The following LRGUK variants were observed in gnomAD, a reference collection of about 807,000 sequenced individuals.
LRGUK encodes leucine rich repeats and guanylate kinase domain containing.
A neutral mutation model predicts 76.0 loss-of-function variants in LRGUK; 65 were observed. The ratio of observed to expected loss-of-function variants is 0.85; its 90% CI spans 0.70 to 1.05. LRGUK has a LOEUF of 1.05. Ranked by LOEUF, LRGUK falls within the 50% of genes least tolerant of loss-of-function variation. The probability of loss-of-function intolerance (pLI) is 0.00; values close to 1 mark genes in which losing one functional copy is unlikely to be tolerated. For synonymous variants in LRGUK, 268 were observed against 265.6 expected (o/e 1.01, Z -0.09); for missense variants, 758 against 732.8 (o/e 1.03, Z -0.40).
chr7:134,209,485 C>T (rs1158941644), exon 16 of LRGUK: 1 of 398,882 alleles, frequency 2.5e-6, no homozygotes, highest in Non-Finnish European at 4.4e-6. Context: ...CAACAGATAC[C>T]AAGCAGCCCC....
downstream of LRGUK, among the ~76,000 whole-genome samples, chr7:134,266,219 A>G (rs930939054): frequency 1.3e-5 from 2 of 152,080 alleles, no homozygotes; most frequent in Non-Finnish European, 2.9e-5. Flanking sequence ...ACTGTCTAAG[A>G]TATAATTAAA....
At chr7:134,231,230 T>C (rs1248310477) in intron 16 of LRGUK, among the ~76,000 whole-genome samples, 1 of 152,046 alleles carries the variant, frequency 6.6e-6, no homozygotes, top group Non-Finnish European at 1.5e-5. Context: ...CCACTGAACA[T>C]AAATCTGAGA....
At chr7:134,268,002 C>T (rs73441390), downstream of LRGUK, among the ~76,000 whole-genome samples, 7,099 of 151,784 alleles carry the variant, frequency 0.047, 435 homozygotes, top group African/African-American at 0.14. Context: ...AAAACAGTGC[C>T]GAAAGGGAAA....
intron 7 of LRGUK, among the ~76,000 whole-genome samples, chr7:134,173,296 A>G (rs1341770391): frequency 3.3e-5 from 5 of 152,170 alleles, no homozygotes; most frequent in African/African-American, 4.8e-5. Context: ...CATGGTGCAT[A>G]TGTTTGTCCT....
At chr7:134,191,793 C>T (rs368369041) in intron 12 of LRGUK, 42 bp downstream of exon 12, 28 of 1,240,704 alleles carry the variant, frequency 2.3e-5, no homozygotes, top group Non-Finnish European at 3.0e-5. Flanking sequence ...AAGAAATACA[C>T]GTTCTCTGGC....
chr7:134,268,371 TAAAAC>T (rs892784738), downstream of LRGUK, among the ~76,000 whole-genome samples: 12 of 151,522 alleles, frequency 7.9e-5, no homozygotes, highest in African/African-American at 2.9e-4. Context: ...GCAATTTAGA[TAAAAC>T]AAACTCTTTT....
intron 6 of LRGUK, among the ~76,000 whole-genome samples, chr7:134,159,589 G>C (rs1798635039): frequency 6.6e-6 from 1 of 152,132 alleles, no homozygotes; most frequent in Admixed American, 6.5e-5. Context: ...AGGAGTTCAA[G>C]ACCAGCCTGG....
chr7:134,269,800 C>T, the LRGUK span, among the ~76,000 whole-genome samples: 4 of 152,114 alleles, frequency 2.6e-5, no homozygotes, highest in South Asian at 4.2e-4. Flanking sequence ...AAGGCTGGTG[C>T]GACAGTTGAA....
chr7:134,233,904 G>A (rs1183432058), intron 16 of LRGUK, among the ~76,000 whole-genome samples: 14 of 152,148 alleles, frequency 9.2e-5, no homozygotes, highest in South Asian at 2.1e-4. Context: ...CCGGCCACAT[G>A]TGGTTGAGGA....
intron 7 of LRGUK, among the ~76,000 whole-genome samples, chr7:134,166,986 C>A (rs1222013727): frequency 6.6e-6 from 1 of 152,164 alleles, no homozygotes; most frequent in Non-Finnish European, 1.5e-5. Context: ...TTAGATTAGG[C>A]CTGTAATGAG....
chr7:134,210,353 A>C (rs1801201240), downstream of LRGUK: 2 of 398,266 alleles, frequency 5.0e-6, no homozygotes, highest in Non-Finnish European at 8.8e-6. Context: ...ACGCCGAGCC[A>C]TCACCTAAGA....
At chr7:134,226,218 ATGTGTGTGTGTGTGTGTGTGTGTG>A (rs57035440) in intron 16 of LRGUK, among the ~76,000 whole-genome samples, 1 of 141,712 alleles carries the variant, frequency 7.1e-6, no homozygotes, top group Admixed American at 6.8e-5. Context: ...CCCATCTCCA[ATGTGTGTGTGTGTGTGTGTGTGTG>A]TGTGTGTGTG....
intron 4 of LRGUK, among the ~76,000 whole-genome samples, chr7:134,144,153 G>A (rs34963814): frequency 0.23 from 34,348 of 152,080 alleles, 4,913 homozygotes; most frequent in South Asian, 0.35. Context: ...TCAGCCTCCT[G>A]GGCTCAAGTG....
At chr7:134,132,426 A>G (rs1797352920) in intron 1 of LRGUK, among the ~76,000 whole-genome samples, 1 of 152,162 alleles carries the variant, frequency 6.6e-6, no homozygotes, top group African/African-American at 2.4e-5. Flanking sequence ...AGGCCTAAAA[A>G]GTGCTCATTC....
intron 4 of LRGUK, among the ~76,000 whole-genome samples, chr7:134,146,827 G>A (rs1797989289): frequency 6.6e-6 from 1 of 152,056 alleles, no homozygotes; most frequent in African/African-American, 2.4e-5. Context: ...TAAAGGGCAT[G>A]GAAAAATTAG....
chr7:134,247,568 A>G, exon 17 of LRGUK: 3 of 1,613,160 alleles, frequency 1.9e-6, no homozygotes, highest in Non-Finnish European at 1.7e-6. Flanking sequence ...AAGAGATTCT[A>G]TACACAGACA....
At chr7:134,159,419 T>A (rs1351744831) in intron 6 of LRGUK, among the ~76,000 whole-genome samples, 2 of 152,166 alleles carry the variant, frequency 1.3e-5, no homozygotes, top group African/African-American at 4.8e-5. Context: ...ATTTCTGTCT[T>A]ATTTAACCAT....
downstream of LRGUK, among the ~76,000 whole-genome samples, chr7:134,268,183 G>A (rs984869763): frequency 4.6e-5 from 7 of 150,802 alleles, no homozygotes; most frequent in Admixed American, 2.0e-4. Context: ...AAAACAAAAA[G>A]CTGATTCCTT....
the LRGUK span, among the ~76,000 whole-genome samples, chr7:134,273,698 G>T: frequency 1.3e-5 from 2 of 151,970 alleles, no homozygotes; most frequent in African/African-American, 4.8e-5. Context: ...TACTTTTTTA[G>T]AATTACTAAT....
Sources: gnomAD v4.1 joint callset for allele counts (sites outside exome capture counted in the v4.1 genomes callset) on GRCh38, gnomAD v4.1.1 for gene constraint, MANE v1.5 for transcripts, NCBI Gene and HGNC (gene_info 2026-07-23, HGNC 2026-07-21) for gene names.